LRBA: variants seen among roughly 807,000 people sequenced by gnomAD.
LRBA encodes the protein LPS responsive beige-like anchor protein, also known as lipopolysaccharide-responsive and beige-like anchor protein.
Under a neutral mutation model 330.0 loss-of-function variants are expected in LRBA, and 176 were observed. The observed-to-expected ratio is 0.53, with a 90% CI of 0.47 to 0.60. LRBA has a LOEUF of 0.60. Ranked by LOEUF, LRBA falls within the 20% of genes least tolerant of loss-of-function variation. LRBA has a pLI of 0.00. For synonymous variants in LRBA, 1,230 were observed against 1,193.0 expected, an observed-to-expected ratio of 1.03 and a Z score of -0.64; for missense variants, 3,259 against 3,444.8, an observed-to-expected ratio of 0.95 and a Z score of 1.35.
intron 2 of LRBA, among the ~76,000 whole-genome samples, chr4:151,001,837 G>A (rs886841898): frequency 2.6e-5 from 4 of 152,038 alleles, no homozygotes; most frequent in Non-Finnish European, 4.4e-5. Context: ...TGCTGCCCTA[G>A]AGCCCAAGGA....
At chr4:150,675,312 T>G (rs1782434244) in intron 37 of LRBA, among the ~76,000 whole-genome samples, 1 of 152,230 alleles carries the variant, frequency 6.6e-6, no homozygotes, top group African/African-American at 2.4e-5. Flanking sequence ...TGGATCTTGG[T>G]CAAGTAACAA....
At chr4:150,410,510 C>A (rs1288259059) in intron 47 of LRBA, among the ~76,000 whole-genome samples, 1 of 152,024 alleles carries the variant, frequency 6.6e-6, no homozygotes, top group African/African-American at 2.4e-5. Context: ...GTAGAGGAGA[C>A]AAAAGCTATA....
chr4:150,828,590 A>T lies in LRBA; in HGVS notation c.4761T>A (p.Thr1587=), dbSNP rs1298611070. 6.2e-7 allele frequency: 1 copy of T among 1,614,012 alleles called. No individual in the cohort carries two copies. Among genetic ancestry groups the T allele is most frequent in the South Asian group, 1.1e-5 (1 of 91,068 alleles). Residue 1587 remains threonine, a synonymous_variant, in exon 30 of 57, where the codon ACT becomes ACA. Coordinates refer to ENST00000651943, the MANE Select transcript of LRBA (RefSeq NM_001364905.1). ...EITPAAFSTL[T]TASVEESEST... is the part of the protein sequence containing the mutation. ...TTTCAGATTCTTCCACTGATGCCGT[A>T]GTTAAAGTGCTGAATGCTGCTGGTG...
intron 2 of LRBA, among the ~76,000 whole-genome samples, chr4:150,951,769 C>T (rs1167999100): frequency 6.6e-6 from 1 of 152,108 alleles, no homozygotes; most frequent in Non-Finnish European, 1.5e-5. Context: ...ATGTATGTTA[C>T]AGAAACAAGG....
At chr4:150,985,110 T>C (rs1187960152) in intron 2 of LRBA, among the ~76,000 whole-genome samples, 1 of 151,918 alleles carries the variant, frequency 6.6e-6, no homozygotes, top group African/African-American at 2.4e-5. Context: ...ATACAAAAAA[T>C]TAACCAGGCA....
chr4:150,422,058 G>A (rs1470524395), intron 46 of LRBA, among the ~76,000 whole-genome samples: 4 of 152,128 alleles, frequency 2.6e-5, no homozygotes, highest in African/African-American at 9.7e-5. Flanking sequence ...AGGAGTTCAA[G>A]ACCAGCTTGG....
chr4:150,988,585 A>AT (rs550500176), intron 2 of LRBA, among the ~76,000 whole-genome samples: 61 of 147,566 alleles, frequency 4.1e-4, no homozygotes, highest in Middle Eastern at 3.5e-3. Flanking sequence ...AGAATATCAA[A>AT]TTTTTTTTTT....
intron 40 of LRBA, among the ~76,000 whole-genome samples, chr4:150,537,029 C>G (rs1764727756): frequency 6.6e-6 from 1 of 152,184 alleles, no homozygotes; most frequent in African/African-American, 2.4e-5. Context: ...CCAAAACAAT[C>G]CTAAGCAAAA....
At chr4:151,000,987 T>C (rs943489666) in intron 2 of LRBA, among the ~76,000 whole-genome samples, 2 of 152,182 alleles carry the variant, frequency 1.3e-5, no homozygotes, top group African/African-American at 2.4e-5. Context: ...ATTCTAGCCA[T>C]TGGGGAGCCC....
intron 37 of LRBA, among the ~76,000 whole-genome samples, chr4:150,658,370 A>C (rs1206826705): frequency 1.3e-5 from 2 of 151,298 alleles, no homozygotes; most frequent in African/African-American, 4.9e-5. Flanking sequence ...AAAAAAAAAA[A>C]AAACTGCTGA....
At chr4:150,368,278 C>G (rs1358007258) in intron 47 of LRBA, among the ~76,000 whole-genome samples, 1 of 152,010 alleles carries the variant, frequency 6.6e-6, no homozygotes, top group Non-Finnish European at 1.5e-5. Context: ...AGTGGTACTA[C>G]TTTAACACAA....
intron 56 of LRBA, among the ~76,000 whole-genome samples, chr4:150,267,875 C>T (rs1007938600): frequency 6.6e-6 from 1 of 151,964 alleles, no homozygotes; most frequent in Non-Finnish European, 1.5e-5. Flanking sequence ...GCCTGGCCAA[C>T]CCGGGGAAAC....
At position 150,916,447 on chromosome 4, in the gene LRBA, C is replaced by T. The variant is rs866672309; in HGVS notation, c.848G>A (p.Gly283Glu). 8 of 1,613,606 alleles carry T rather than the reference C, an allele frequency of 5.0e-6. No individual in the cohort carries two copies. The highest frequency in any genetic ancestry group is 6.8e-6 in the Non-Finnish European group (8 of 1,179,814). ...CLIVTSIKSK[G>E]KGFQHCVKFD... ...TTTCACACAGTGTTGAAAGCCTTTT[C>T]CTTTTGACTTTATTGATGTTACAAT... The change falls in exon 7 of 57, where the codon GGA becomes GAA. Residue 283 changes from glycine to glutamate, a missense_variant. Gly to Glu is a moderately conservative substitution (Grantham distance 98). Transcript: ENST00000651943.
At chr4:150,349,563 G>C (rs1736861455) in intron 48 of LRBA, among the ~76,000 whole-genome samples, 1 of 152,022 alleles carries the variant, frequency 6.6e-6, no homozygotes, top group South Asian at 2.1e-4. Context: ...GAAAGATTTG[G>C]ACTTCAACCC....
intron 13 of LRBA, among the ~76,000 whole-genome samples, chr4:150,903,498 G>C (rs150781124): frequency 6.6e-6 from 1 of 152,094 alleles, no homozygotes; most frequent in African/African-American, 2.4e-5. Context: ...AGCACTCTTG[G>C]GGGGCTGAGG....
chr4:150,956,386 C>CA (rs1205225802), intron 2 of LRBA, among the ~76,000 whole-genome samples: 1 of 148,102 alleles, frequency 6.8e-6, no homozygotes, highest in Non-Finnish European at 1.5e-5. Flanking sequence ...AATCAACTCA[C>CA]AAAAAACAAA....
intron 28 of LRBA, among the ~76,000 whole-genome samples, chr4:150,836,139 C>T (rs1345274943): frequency 2.6e-5 from 4 of 152,180 alleles, no homozygotes; most frequent in African/African-American, 9.7e-5. Context: ...CCTTGCATCC[C>T]AGGGATGAAG....
Position 150,321,448 on chromosome 4 carries a change from A to G in LRBA, c.7453-80T>C. On this transcript the variant is annotated intron_variant, in intron 49 of 56. Coordinates refer to ENST00000651943, the MANE Select transcript of LRBA (RefSeq NM_001364905.1). This position sits in a 1 kb window ranked among gnomAD's most constrained non-coding sequence, Gnocchi z 4.5. Reference sequence around the variant, plus strand: ...GAAAAGATGAAGAAAGACAAGAAAGAGAGGGGGTGCAGGAAAAGAAGAGGA... The same window carrying G: ...GAAAAGATGAAGAAAGACAAGAAAGGGAGGGGGTGCAGGAAAAGAAGAGGA... 1 of 1,241,518 alleles carries G rather than the reference A, an allele frequency of 8.1e-7. No individual in the cohort carries two copies. Among genetic ancestry groups the G allele is most frequent in the Non-Finnish European group, 1.1e-6 (1 of 906,888 alleles). 76.9% of individuals were successfully genotyped at this position (1,241,518 alleles called of 1,614,324 possible).
rs141627833 is a variant in LRBA at position 150,401,273 on chromosome 4, G to A, written c.7194+14165C>T. Among the ~76,000 whole-genome samples the A allele has an allele frequency of 2.1e-3, 326 of 152,282 alleles. 1 individual carries two copies. The highest frequency in any genetic ancestry group is 7.2e-3 in the African/African-American group (301 of 41,544). ...CCTCCAGTACTGTCAGACAATAAAC[G>A]TATGTTGTTTAAGCCATGCAGTTTG... On this transcript the variant is annotated intron_variant, in intron 47 of 56. Coordinates refer to ENST00000651943, the MANE Select transcript of LRBA (RefSeq NM_001364905.1).
Sources: allele counts gnomAD v4.1 joint callset (sites outside exome capture counted in the v4.1 genomes callset), GRCh38; gene constraint gnomAD v4.1.1; non-coding constraint Gnocchi (gnomAD v3.1); transcripts MANE v1.5; gene names NCBI Gene and HGNC (gene_info 2026-07-23, HGNC 2026-07-21).